The following OSBP variants were observed in gnomAD, a reference collection of about 807,000 sequenced individuals.
OSBP encodes oxysterol binding protein, also known as oxysterol-binding protein 1.
OSBP carries 32 observed loss-of-function variants against 96.6 expected under a neutral mutation model. The observed-to-expected ratio is 0.33, with a 90% CI of 0.25 to 0.45. The LOEUF (loss-of-function observed/expected upper bound fraction) is 0.45, where lower values mean the gene tolerates loss of function less well. Among genes scored for constraint, OSBP ranks in the 20% least tolerant of loss-of-function variants. The pLI is 1.00. For synonymous variants in OSBP, 369 were observed against 389.6 expected (o/e 0.95, Z 0.62); for missense variants, 653 against 1,029.7 (o/e 0.63, Z 5.01).
rs1281630531 is a variant in OSBP at position 59,580,240 on chromosome 11, C to A, written c.1812G>T (p.Lys604Asn). ...QSGEIDIVNH[K>N]TGDKCNLKFV... ...ATTTAAGATTACACTTGTCTCCTGT[C>A]TTGTGATTCACAATATCAATTTCGC... The change falls in exon 11 of 14, where the codon AAG becomes AAT. Residue 604 changes from lysine to asparagine, a missense_variant. By Grantham distance (94) the Lys-to-Asn change is moderately conservative. Around this residue, in one of 6 missense-constraint regions of OSBP, gnomAD observed 169 missense variants for 251.5 expected, o/e 0.67. Transcript: ENST00000263847. 2 of 1,612,748 alleles carry A rather than the reference C, an allele frequency of 1.2e-6. No individual in the cohort carries two copies. Among genetic ancestry groups the A allele is most frequent in the Non-Finnish European group, 1.7e-6 (2 of 1,178,884 alleles).
At chr11:59,600,146 A>G (rs574940177) in intron 7 of OSBP, among the ~76,000 whole-genome samples, 1 of 152,312 alleles carries the variant, frequency 6.6e-6, no homozygotes, top group East Asian at 1.9e-4. Context: ...ATCACAGAAA[A>G]TAATGTTTTC....
At chr11:59,596,388 G>T (rs1050056463) in intron 7 of OSBP, among the ~76,000 whole-genome samples, 2 of 152,106 alleles carry the variant, frequency 1.3e-5, no homozygotes, top group Admixed American at 1.3e-4. Context: ...CAGTGCATGG[G>T]ACTAGAATCA....
intron 4 of OSBP, 26 bp from the exon 5 acceptor site, chr11:59,601,411 T>C (rs768390333): frequency 2.0e-5 from 30 of 1,524,302 alleles, no homozygotes; most frequent in Admixed American, 1.2e-4. Flanking sequence ...CCCCATTTGT[T>C]GACTTTGGTT....
chr11:59,592,402 G>C (rs921763054), intron 9 of OSBP, among the ~76,000 whole-genome samples: 1 of 152,114 alleles, frequency 6.6e-6, no homozygotes, highest in Non-Finnish European at 1.5e-5. Context: ...TTGTGTTTCT[G>C]AGCAAAGGTG....
intron 11 of OSBP, among the ~76,000 whole-genome samples, chr11:59,579,096 G>A (rs1027429930): frequency 2.0e-5 from 3 of 151,978 alleles, no homozygotes; most frequent in African/African-American, 7.3e-5. Context: ...AAAGATACAC[G>A]TAGCAAAAGC....
intron 1 of OSBP, among the ~76,000 whole-genome samples, chr11:59,614,391 G>A (rs1860894233): frequency 6.6e-6 from 1 of 152,230 alleles, no homozygotes; most frequent in South Asian, 2.1e-4. Context: ...TAGACACATT[G>A]TCCAGCCCTC....
At chr11:59,595,127 C>G (rs1043722331) in intron 7 of OSBP, 4 of 154,156 alleles carry the variant, frequency 2.6e-5, no homozygotes, top group Middle Eastern at 6.1e-4. Context: ...ATTGTTCATG[C>G]TCCCCACCCT....
chr11:59,586,100 C>G (rs1860496244), intron 9 of OSBP, among the ~76,000 whole-genome samples: 1 of 151,348 alleles, frequency 6.6e-6, no homozygotes, highest in Non-Finnish European at 1.5e-5. Flanking sequence ...CTGACCTTCC[C>G]TCCACTATTG....
intron 2 of OSBP, 58 bp downstream of exon 2, chr11:59,610,323 T>C: frequency 7.1e-7 from 1 of 1,417,012 alleles, no homozygotes; most frequent in South Asian, 1.1e-5. Context: ...ACAAACAAAA[T>C]CTGTGCATAA....
chr11:59,602,153 T>C (rs1349289329), intron 3 of OSBP, among the ~76,000 whole-genome samples: 1 of 152,186 alleles, frequency 6.6e-6, no homozygotes, highest in Non-Finnish European at 1.5e-5. Context: ...GTATGTGAAC[T>C]GCACCAAAAG....
At chr11:59,593,828 C>T (rs970413420) in intron 8 of OSBP, 104 bp from the exon 9 acceptor site, 1 of 1,504,764 alleles carries the variant, frequency 6.6e-7, no homozygotes, top group Admixed American at 1.9e-5. Context: ...CGTTTTTACA[C>T]CCACAACAGT....
At chr11:59,609,553 T>C (rs1450026736) in intron 2 of OSBP, among the ~76,000 whole-genome samples, 5 of 150,132 alleles carry the variant, frequency 3.3e-5, no homozygotes, top group Non-Finnish European at 7.4e-5. Context: ...AAAGTCAAAA[T>C]ATAACTTACT....
chr11:59,608,762 G>A (rs1173554700), intron 2 of OSBP, 28 bp from the exon 3 acceptor site: 6 of 1,612,082 alleles, frequency 3.7e-6, no homozygotes, highest in Non-Finnish European at 4.2e-6. Flanking sequence ...AAGGTTATAT[G>A]ATTCCAGAAC....
chr11:59,581,322 T>C (rs1860417524), intron 10 of OSBP, 129 bp downstream of exon 10: 1 of 466,570 alleles, frequency 2.1e-6, no homozygotes, highest in South Asian at 4.3e-5. Flanking sequence ...CTGAGAGAAA[T>C]TCCTTAGGAG....
intron 3 of OSBP, among the ~76,000 whole-genome samples, chr11:59,608,165 G>A (rs1028042501): frequency 2.6e-5 from 4 of 150,958 alleles, no homozygotes; most frequent in Admixed American, 6.6e-5. Context: ...ATAAAATCAC[G>A]ACCTAGAGAA....
intron 9 of OSBP, among the ~76,000 whole-genome samples, chr11:59,584,240 C>T (rs1190743350): frequency 6.6e-6 from 1 of 152,144 alleles, no homozygotes; most frequent in Non-Finnish European, 1.5e-5. Context: ...AGCCACTGCA[C>T]CCAGCCTAAA....
chr11:59,614,855 T>C (rs1860901627), intron 1 of OSBP, among the ~76,000 whole-genome samples: 1 of 152,054 alleles, frequency 6.6e-6, no homozygotes, highest in African/African-American at 2.4e-5. Flanking sequence ...TAACCTTGAG[T>C]TTTGGAGACT....
intron 9 of OSBP, among the ~76,000 whole-genome samples, chr11:59,590,298 A>T (rs1019914676): frequency 6.6e-6 from 1 of 152,190 alleles, no homozygotes; most frequent in South Asian, 2.1e-4. Flanking sequence ...TGAGACTATT[A>T]GGCTGATGTC....
In OSBP at chr11:59,601,663, G is replaced by A; in HGVS notation, c.998C>T (p.Pro333Leu). 1 of 1,612,988 alleles carries A rather than the reference G, an allele frequency of 6.2e-7. No homozygotes were observed. The highest frequency in any genetic ancestry group is 8.5e-7 in the Non-Finnish European group (1 of 1,180,008). Residue 333 changes from proline (P) to leucine (L), a missense_variant, in exon 4 of 14, where the codon CCT (proline) becomes CTT (leucine). Coordinates refer to ENST00000263847, the MANE Select transcript of OSBP (RefSeq NM_002556.3). Reference sequence around the variant, plus strand: ...ACCTTTACCAGAACCCACATTGCCAGGAGTGTTTGCCGGCAGCACCGTGGC... The same window carrying A: ...ACCTTTACCAGAACCCACATTGCCAAGAGTGTTTGCCGGCAGCACCGTGGC... Reference protein sequence around the residue: ...RGATVLPANTPGNVGSGKDQC... With the variant: ...RGATVLPANTLGNVGSGKDQC...
Sources: gnomAD v4.1 joint callset for allele counts (sites outside exome capture counted in the v4.1 genomes callset) on GRCh38, gnomAD v4.1.1 for gene constraint, gnomAD v4.1.1 regional missense constraint, MANE v1.5 for transcripts, NCBI Gene and HGNC (gene_info 2026-07-23, HGNC 2026-07-21) for gene names.